GALNT5: variants seen among roughly 807,000 people sequenced by gnomAD.
The protein encoded by GALNT5 is UDP-GalNAc:polypeptide N-acetylgalactosaminyltransferase 5.
A neutral mutation model predicts 85.4 loss-of-function variants in GALNT5; 72 were observed. The observed-to-expected ratio is 0.84, with a 90% confidence interval of 0.70 to 1.03. GALNT5 has a LOEUF of 1.03. GALNT5 is among the 50% of genes least tolerant of loss of function. The pLI, the probability that GALNT5 is intolerant of heterozygous loss-of-function variation, is 0.00. For missense variants in GALNT5, 1,137 were observed against 1,135.5 expected (o/e 1.00, Z -0.02); for synonymous variants, 404 against 397.0 (o/e 1.02, Z -0.21).
chr2:157,272,150 A>G (rs978020432), intron 1 of GALNT5, among the ~76,000 whole-genome samples: 2 of 152,152 alleles, frequency 1.3e-5, no homozygotes, highest in African/African-American at 4.8e-5. Context: ...TGATAATCCT[A>G]TCAATTACTG....
chr2:157,302,479 G>T (rs865812280), intron 7 of GALNT5: 1 of 151,632 alleles, frequency 6.6e-6, no homozygotes, highest in African/African-American at 2.4e-5. Context: ...GCTCAACCTG[G>T]TAACTTATCA....
At chr2:157,274,576 C>T (rs533399696) in intron 1 of GALNT5, among the ~76,000 whole-genome samples, 5 of 152,300 alleles carry the variant, frequency 3.3e-5, no homozygotes, top group African/African-American at 1.2e-4. Context: ...TCTCTGATGA[C>T]CAGTGATGAT....
At chr2:157,274,841 C>T (rs1295844193) in intron 1 of GALNT5, among the ~76,000 whole-genome samples, 1 of 152,124 alleles carries the variant, frequency 6.6e-6, no homozygotes, top group East Asian at 1.9e-4. Flanking sequence ...TTAATTAGAT[C>T]CCATTTGTCT....
chr2:157,280,302 C>T (rs1355791848), intron 1 of GALNT5, among the ~76,000 whole-genome samples: 1 of 152,138 alleles, frequency 6.6e-6, no homozygotes, highest in Non-Finnish European at 1.5e-5. Flanking sequence ...CCCCAAATGC[C>T]CTAAATCACA....
In GALNT5 at chr2:157,301,051, A is replaced by G. The variant is rs781701353; in HGVS notation, c.2439+52A>G. 3.1e-6 allele frequency: 4 copies of G among 1,285,588 alleles called. No homozygotes were observed. In the East Asian group the frequency reaches 6.9e-5, roughly 22 times the overall value. The allele number at this position is 1,285,588 out of a possible 1,614,324, so 79.6% of individuals were successfully genotyped here. ...TTACTCCATAAAAACAAAACACAAA[A>G]TCTCTTTCAAAAATGTGTGGAAAGA... On this transcript the variant is annotated intron_variant, in intron 7 of 9. Transcript: ENST00000259056.
chr2:157,287,105 CAT>C (rs1574024686), intron 3 of GALNT5, among the ~76,000 whole-genome samples: 1 of 151,904 alleles, frequency 6.6e-6, no homozygotes, highest in East Asian at 1.9e-4. Context: ...TATAATATAA[CAT>C]AATATCACCA....
chr2:157,285,296 T>G (rs1230676113), intron 2 of GALNT5, among the ~76,000 whole-genome samples: 2 of 152,148 alleles, frequency 1.3e-5, no homozygotes, highest in Admixed American at 6.5e-5. Context: ...TAAACAGGAA[T>G]AGTACCCAAT....
At chr2:157,296,648 A>G (rs1394290395) in intron 5 of GALNT5, 135 bp downstream of exon 5, 12 of 653,364 alleles carry the variant, frequency 1.8e-5, no homozygotes, top group Non-Finnish European at 2.6e-5. Flanking sequence ...TAGATTACCA[A>G]AGCAAACACA....
chr2:157,300,531 A>G lies in GALNT5; in HGVS notation c.2116-145A>G, dbSNP rs1683317921. On this transcript the variant is annotated intron_variant, in intron 6 of 9. Transcript: ENST00000259056. ...TACACAAAATTAAATAAGCCTGTTGAGTTTGATTTTCTATTGCAAAAGTGT... is the reference window on the plus strand; with the variant it reads ...TACACAAAATTAAATAAGCCTGTTGGGTTTGATTTTCTATTGCAAAAGTGT... 9.6e-6 allele frequency: 6 copies of G among 625,456 alleles called. 1 individual carries two copies. The East Asian group carries it at 1.6e-4, about 17-fold the overall frequency. 38.7% of individuals were successfully genotyped at this position (625,456 alleles called of 1,614,324 possible).
chr2:157,298,157 C>A (rs1052295522), intron 5 of GALNT5, among the ~76,000 whole-genome samples: 1 of 152,090 alleles, frequency 6.6e-6, no homozygotes, highest in South Asian at 2.1e-4. Context: ...CCAATTCATG[C>A]CGACTTCCTA....
intron 1 of GALNT5, among the ~76,000 whole-genome samples, chr2:157,278,959 A>C (rs1251735328): frequency 6.6e-6 from 1 of 152,116 alleles, no homozygotes; most frequent in East Asian, 1.9e-4. Context: ...GGTTTTATCT[A>C]CCTTTGGTCT....
chr2:157,300,405 T>C (rs7585164), intron 6 of GALNT5, among the ~76,000 whole-genome samples: 124,492 of 152,132 alleles, frequency 0.82, 52,242 homozygotes, highest in South Asian at 0.92. Flanking sequence ...TTTTACAAAA[T>C]GGGATTCTGT....
intron 1 of GALNT5, among the ~76,000 whole-genome samples, chr2:157,267,360 T>C (rs1324558810): frequency 1.3e-5 from 2 of 152,116 alleles, no homozygotes; most frequent in Admixed American, 6.6e-5. Flanking sequence ...TTTAAGACCA[T>C]AGAAATAACA....
Position 157,300,231 on chromosome 2 carries a change from G to A in GALNT5, c.2116-445G>A, listed in dbSNP as rs191612364. 2.1e-3 allele frequency among the ~76,000 whole-genome samples: 322 copies of A among 152,290 alleles called. 4 individuals are homozygous for A. The highest frequency in any genetic ancestry group is 7.0e-3 in the African/African-American group (290 of 41,552). ...TGCTTTCCTATTGGGTGGGTGTTCT[G>A]TATGTATGTAAAAGGGTGTAATTTT... is the stretch of plus-strand genomic sequence containing the variant. On this transcript the variant is annotated intron_variant, in intron 6 of 9. Transcript: ENST00000259056.
At position 157,258,279 on chromosome 2, in the gene GALNT5, T is replaced by G. The variant is rs775560997; in HGVS notation, c.197T>G (p.Ile66Ser). 1.2e-6 allele frequency: 2 copies of G among 1,600,572 alleles called. No individual in the cohort carries two copies. Among genetic ancestry groups the G allele is most frequent in the Admixed American group, 3.5e-5 (2 of 57,424 alleles). The change falls in exon 1 of 10, where the codon ATT becomes AGT. Residue 66 changes from isoleucine to serine, a missense_variant. By Grantham distance (142) the Ile-to-Ser change is moderately radical. Transcript: ENST00000259056. ...GFRVQPDQGK[I>S]FYSSIKEMKP... ...AGAGTTCAGCCAGACCAAGGAAAAA[T>G]TTTTTACAGCAGCATAAAAGAGATG...
Position 157,308,646 on chromosome 2 carries a change from C to T in GALNT5, c.2600C>T (p.Ala867Val), listed in dbSNP as rs764638096. Reference sequence around the variant, plus strand: ...ATAGCCCCCATCCCTGATAAAGGAGCCGTAAGGCTGCACCCTTGTGATAAC... The same window carrying T: ...ATAGCCCCCATCCCTGATAAAGGAGTCGTAAGGCTGCACCCTTGTGATAAC... ...WCIAPIPDKG[A>V]VRLHPCDNRN... is the part of the protein sequence containing the mutation. Residue 867 changes from alanine (A) to valine (V), a missense_variant, in exon 9 of 10, where the codon GCC (alanine) becomes GTC (valine). Physicochemically the swap from Ala to Val is moderately conservative, Grantham distance 64. Transcript: ENST00000259056. 6 of 1,613,374 alleles carry T rather than the reference C, an allele frequency of 3.7e-6. No homozygotes were observed. Among genetic ancestry groups the T allele is most frequent in the South Asian group, 1.1e-5 (1 of 91,062 alleles).
At chr2:157,310,934 G>GTA (rs1302495605) in intron 9 of GALNT5, among the ~76,000 whole-genome samples, 3 of 152,126 alleles carry the variant, frequency 2.0e-5, no homozygotes, top group Non-Finnish European at 2.9e-5. Context: ...TCTTTAAAGA[G>GTA]TATAGTTCTC....
chr2:157,259,012 T>C lies in GALNT5; in HGVS notation c.930T>C (p.Ala310=), dbSNP rs1682269546. Residue 310 remains alanine, a synonymous_variant, in exon 1 of 10, where the codon GCT becomes GCC. Coordinates refer to ENST00000259056, the MANE Select transcript of GALNT5 (RefSeq NM_014568.3). ...SLSKDDGARG[A]HGKKLNFSES... ...CAAAGGATGATGGAGCTAGAGGGGCTCATGGGAAGAAACTCAATTTCTCTG... is the reference window on the plus strand; with the variant it reads ...CAAAGGATGATGGAGCTAGAGGGGCCCATGGGAAGAAACTCAATTTCTCTG... The C allele has an allele frequency of 6.8e-7, 1 of 1,479,742 alleles. No individual in the cohort carries two copies. The highest frequency in any genetic ancestry group is 2.3e-5 in the Admixed American group (1 of 42,764). 91.7% of individuals were successfully genotyped at this position (1,479,742 alleles called of 1,614,324 possible).
In GALNT5 at chr2:157,300,942, G is replaced by T; in HGVS notation, c.2382G>T (p.Trp794Cys). 6.2e-7 allele frequency: 1 copy of T among 1,614,118 alleles called. No homozygotes were observed. The highest frequency in any genetic ancestry group is 1.3e-5 in the African/African-American group (1 of 75,046). ...RKKLKCKSFK[W>C]YLENVFPDLR... ...AACTGAAGTGCAAAAGTTTCAAATG[G>T]TACTTGGAGAATGTCTTTCCTGACT... The change falls in exon 7 of 10, where the codon TGG (tryptophan) becomes TGT (cysteine). Residue 794 changes from tryptophan (W) to cysteine (C), a missense_variant. Transcript: ENST00000259056.
Sources: gnomAD v4.1 joint callset for allele counts (sites outside exome capture counted in the v4.1 genomes callset) on GRCh38, gnomAD v4.1.1 for gene constraint, MANE v1.5 for transcripts, NCBI Gene and HGNC (gene_info 2026-07-23, HGNC 2026-07-21) for gene names.